Variants in DLD observed in about 807,000 individuals in gnomAD.
DLD encodes dihydrolipoyl dehydrogenase, mitochondrial.
In DLD, 36 loss-of-function variants were observed where a neutral mutation model predicts 62.2. That is an observed-to-expected ratio of 0.58 (90% CI 0.44 to 0.76). The LOEUF is 0.76. Ranked by LOEUF, DLD falls within the 30% of genes least tolerant of loss-of-function variation. DLD has a pLI of 0.00. For synonymous variants in DLD, 204 were observed against 199.6 expected, an observed-to-expected ratio of 1.02 and a Z score of -0.19; for missense variants, 541 against 608.6, an observed-to-expected ratio of 0.89 and a Z score of 1.17.
At chr7:107,907,551 C>G (rs1236297962) in intron 8 of DLD, among the ~76,000 whole-genome samples, 2 of 152,156 alleles carry the variant, frequency 1.3e-5, no homozygotes, top group East Asian at 3.9e-4. Context: ...TACACCTATC[C>G]TTTTGATTAC....
Position 107,918,000 on chromosome 7 carries a change from T to C in DLD, c.1313T>C (p.Met438Thr), listed in dbSNP as rs2032312825. Residue 438 changes from methionine to threonine, a missense_variant, in exon 12 of 14, where the codon ATG becomes ACG. Transcript: ENST00000205402. ...AAGACAAATGCTGACACAGATGGCA[T>C]GGTGAAGATCCTTGGGCAGAAATCG... ...RAKTNADTDG[M>T]VKILGQKSTD... The C allele has an allele frequency of 1.9e-6, 3 of 1,614,106 alleles. No individual in the cohort carries two copies. Among genetic ancestry groups the C allele is most frequent in the Non-Finnish European group, 2.5e-6 (3 of 1,179,956 alleles).
At position 107,901,698 on chromosome 7, in the gene DLD, A is replaced by C. The variant is rs745327112; in HGVS notation, c.119-40A>C. ...CAAAGAGCTCTTTTTGGTAAATATT[A>C]AGCAATTTACTATTTTATATCAATT... On this transcript the variant is annotated intron_variant, in intron 2 of 13. Transcript: ENST00000205402. 13 of 1,536,120 alleles carry C rather than the reference A, an allele frequency of 8.5e-6. No homozygotes were observed. The East Asian group carries it at 2.7e-4, about 32-fold the overall frequency.
At chr7:107,901,959 A>G in intron 3 of DLD, 142 bp downstream of exon 3, 1 of 720,440 alleles carries the variant, frequency 1.4e-6, no homozygotes, top group Admixed American at 2.3e-5. Context: ...ACTAATAAAG[A>G]TTAGGTTCAT....
chr7:107,896,985 G>A (rs2031743158), intron 2 of DLD, among the ~76,000 whole-genome samples: 1 of 151,838 alleles, frequency 6.6e-6, no homozygotes, highest in East Asian at 1.9e-4. Flanking sequence ...ACAGGTGCCT[G>A]CCACCAGCCC....
In DLD at chr7:107,919,488, T is replaced by C. The variant is rs2032356590; in HGVS notation, c.*229T>C. 1 of 414,752 alleles carries C rather than the reference T, an allele frequency of 2.4e-6. No homozygotes were observed. The highest frequency in any genetic ancestry group is 2.0e-5 in the African/African-American group (1 of 49,500). The allele number at this position is 414,752 out of a possible 1,614,324, so 25.7% of individuals were successfully genotyped here. ...AATGTGTAAGACAAAAAGCTACTTA[T>C]TGTAGCATCCTGGAATATCTCCGTC... On this transcript the variant is annotated 3_prime_UTR_variant, in exon 14 of 14. Transcript: ENST00000205402.
intron 8 of DLD, 76 bp downstream of exon 8, chr7:107,906,444 G>A (rs1343349647): frequency 4.5e-6 from 4 of 885,402 alleles, no homozygotes; most frequent in East Asian, 4.9e-5. Context: ...TTGATTTTTT[G>A]TATAACATTA....
At chr7:107,911,594 T>C (rs2032142999) in intron 8 of DLD, among the ~76,000 whole-genome samples, 1 of 152,252 alleles carries the variant, frequency 6.6e-6, no homozygotes, top group Admixed American at 6.5e-5. Flanking sequence ...GCAACGTAAA[T>C]TTTTGTTGCT....
chr7:107,891,415 C>A, intron 1 of DLD, 126 bp downstream of exon 1: 1 of 1,063,402 alleles, frequency 9.4e-7, no homozygotes, highest in Non-Finnish European at 1.4e-6. Flanking sequence ...CCACCCCTGG[C>A]CCCGCCTCTG....
At chr7:107,902,439 A>G (rs529414251) in intron 4 of DLD, 46 bp downstream of exon 4, 3 of 1,517,442 alleles carry the variant, frequency 2.0e-6, no homozygotes, top group African/African-American at 2.7e-5. Context: ...TTGGCTAGCA[A>G]CCAACTAGAA....
At position 107,893,279 on chromosome 7, in the gene DLD, G is replaced by GT; in HGVS notation, c.118+2dup. On this transcript the variant is annotated splice_donor_variant, in intron 2 of 13. Transcript: ENST00000205402. LOFTEE classifies it high-confidence loss of function. Reference sequence around the variant, plus strand: ...CTGAGAACTTACGCAGATCAGCCGAGTAAGTACTTAAGTAAAACATTTTTT... The same window carrying GT: ...CTGAGAACTTACGCAGATCAGCCGAGTTAAGTACTTAAGTAAAACATTTTTT... The GT allele has an allele frequency of 6.2e-7, 1 of 1,610,742 alleles. No homozygotes were observed.
chr7:107,900,062 A>C (rs1263189920), intron 2 of DLD, among the ~76,000 whole-genome samples: 2 of 152,110 alleles, frequency 1.3e-5, no homozygotes, highest in Non-Finnish European at 2.9e-5. Context: ...GCACAGATGG[A>C]TCAGTAAAAA....
Position 107,920,211 on chromosome 7 carries a change from GTTAAT to G in DLD, c.*953_*957del, listed in dbSNP as rs1195818392. ...TTTAATCTGTGTTTTCCTTGGCTGG[GTTAAT>G]GACTGTTTATTTAAAGAGTGTTGTA... On this transcript the variant is annotated 3_prime_UTR_variant, in exon 14 of 14. Transcript: ENST00000205402. 3 of 152,230 alleles carry G rather than the reference GTTAAT, an allele frequency of 2.0e-5. No homozygotes were observed. Among genetic ancestry groups the G allele is most frequent in the African/African-American group, 7.2e-5 (3 of 41,416 alleles). 9.4% of individuals were successfully genotyped at this position (152,230 alleles called of 1,614,324 possible).
At chr7:107,902,690 G>A in intron 4 of DLD, among the ~76,000 whole-genome samples, 1 of 152,160 alleles carries the variant, frequency 6.6e-6, no homozygotes, top group East Asian at 1.9e-4. Context: ...TCCTTCACCA[G>A]TGTAACAGAT....
chr7:107,916,370 T>C (rs544174822), intron 9 of DLD, among the ~76,000 whole-genome samples: 12 of 152,310 alleles, frequency 7.9e-5, no homozygotes, highest in African/African-American at 2.9e-4. Context: ...TAAACTTATA[T>C]TGTTAAAAAT....
At chr7:107,896,940 A>C (rs924522344) in intron 2 of DLD, among the ~76,000 whole-genome samples, 8 of 151,522 alleles carry the variant, frequency 5.3e-5, no homozygotes, top group Non-Finnish European at 1.2e-4. Flanking sequence ...GGTTCAAGTG[A>C]TTCTCCTGCC....
chr7:107,895,491 AC>A (rs1188329484), intron 2 of DLD, among the ~76,000 whole-genome samples: 5 of 152,244 alleles, frequency 3.3e-5, no homozygotes, highest in African/African-American at 1.2e-4. Flanking sequence ...ACTTAAACTT[AC>A]AGCACTTATA....
At chr7:107,915,756 A>G in intron 9 of DLD, 60 bp downstream of exon 9, 1 of 1,491,554 alleles carries the variant, frequency 6.7e-7, no homozygotes, top group Non-Finnish European at 9.3e-7. Context: ...AAAACACTCA[A>G]GTTTCAAAAT....
In DLD at chr7:107,905,032, A is replaced by C; in HGVS notation, c.412A>C (p.Ile138Leu). ...TGCAGTAAAAGCTTTAACAGGTGGA[A>C]TTGCCCACTTATTCAAACAGAATAA... ...STAVKALTGG[I>L]AHLFKQNKVV... The change falls in exon 6 of 14, where the codon ATT becomes CTT. Residue 138 changes from isoleucine (I) to leucine (L), a missense_variant. Ile to Leu is a conservative substitution (Grantham distance 5). Coordinates refer to ENST00000205402, the MANE Select transcript of DLD (RefSeq NM_000108.5). 1 of 1,612,090 alleles carries C rather than the reference A, an allele frequency of 6.2e-7. No homozygotes were observed. The highest frequency in any genetic ancestry group is 8.5e-7 in the Non-Finnish European group (1 of 1,178,472).
chr7:107,920,920 A>G lies in DLD; in HGVS notation c.*1661A>G, dbSNP rs1284836337. 1.3e-5 allele frequency: 2 copies of G among 152,278 alleles called. No homozygotes were observed. Among genetic ancestry groups the G allele is most frequent in the African/African-American group, 4.8e-5 (2 of 41,418 alleles). The allele number at this position is 152,278 out of a possible 1,614,324, so 9.4% of individuals were successfully genotyped here. ...TGCTATCAGCAGGAGGGTTGGTCTG[A>G]TATCTGTGTGCTACTTTGCCATTAT... On this transcript the variant is annotated 3_prime_UTR_variant, in exon 14 of 14. Transcript: ENST00000205402.
Sources: gnomAD v4.1 joint callset for allele counts (sites outside exome capture counted in the v4.1 genomes callset) on GRCh38, gnomAD v4.1.1 for gene constraint, MANE v1.5 for transcripts, NCBI Gene and HGNC (gene_info 2026-07-23, HGNC 2026-07-21) for gene names.